The following GRK5 variants were observed in gnomAD, a reference collection of about 807,000 sequenced individuals.
GRK5 encodes G protein-coupled receptor kinase 5.
Under a neutral mutation model 78.4 loss-of-function variants are expected in GRK5, and 40 were observed. The observed-to-expected ratio is 0.51, with a 90% confidence interval of 0.40 to 0.66. The LOEUF is 0.66. GRK5 is among the 30% of genes least tolerant of loss of function. The probability of loss-of-function intolerance (pLI) is 0.00; values close to 1 mark genes in which losing one functional copy is unlikely to be tolerated. For missense variants in GRK5, 598 were observed against 759.9 expected (o/e 0.79, Z 2.50); for synonymous variants, 289 against 296.8 (o/e 0.97, Z 0.27).
At position 119,455,653 on chromosome 10, in the gene GRK5, C is replaced by T; in HGVS notation, c.*586C>T. 4 of 261,910 alleles carry T rather than the reference C, an allele frequency of 1.5e-5. No homozygotes were observed. The South Asian group carries it at 1.5e-4, about 10-fold the overall frequency. 16.2% of individuals were successfully genotyped at this position (261,910 alleles called of 1,614,324 possible). A position where few individuals can be genotyped will look rare whatever the true frequency, so the allele number is the denominator to read the frequency against. Reference sequence around the variant, plus strand: ...TTGAAGGATTGGTTGTATTTACCCACATCTATCTCTGGAGCCATTTCCTCA... The same window carrying T: ...TTGAAGGATTGGTTGTATTTACCCATATCTATCTCTGGAGCCATTTCCTCA... On this transcript the variant is annotated 3_prime_UTR_variant, in exon 16 of 16. Coordinates refer to ENST00000392870, the MANE Select transcript of GRK5 (RefSeq NM_005308.3).
chr10:119,386,518 G>C (rs1484095586), intron 3 of GRK5, among the ~76,000 whole-genome samples: 1 of 152,116 alleles, frequency 6.6e-6, no homozygotes, highest in Non-Finnish European at 1.5e-5. Flanking sequence ...CCTCTCTCTG[G>C]GCCTGTACCA....
At chr10:119,394,112 G>GTCTGCGTCTGTGT (rs1851936903) in intron 3 of GRK5, among the ~76,000 whole-genome samples, 1 of 23,298 alleles carries the variant, frequency 4.3e-5, no homozygotes, top group African/African-American at 1.8e-4. Context: ...CGTCTGTGTG[G>GTCTGCGTCTGTGT]GGGGTGTGTG....
intron 1 of GRK5, among the ~76,000 whole-genome samples, chr10:119,288,440 G>A (rs573732600): frequency 1.3e-5 from 2 of 152,312 alleles, no homozygotes; most frequent in South Asian, 2.1e-4. Context: ...AGTAGGTATC[G>A]ACTGGGTGGC....
At chr10:119,434,782 G>A (rs377583938) in intron 8 of GRK5, among the ~76,000 whole-genome samples, 3 of 152,322 alleles carry the variant, frequency 2.0e-5, no homozygotes, top group African/African-American at 7.2e-5. Context: ...GCTCCAATAG[G>A]CAATGCCCCA....
At chr10:119,358,405 G>A (rs944454905) in intron 2 of GRK5, among the ~76,000 whole-genome samples, 3 of 152,160 alleles carry the variant, frequency 2.0e-5, no homozygotes, top group Non-Finnish European at 4.4e-5. Flanking sequence ...GCTGAGTGGT[G>A]GTGCCAGGAT....
At chr10:119,260,409 G>GT (rs1849362366) in intron 1 of GRK5, among the ~76,000 whole-genome samples, 2 of 141,028 alleles carry the variant, frequency 1.4e-5, no homozygotes, top group East Asian at 2.0e-4. Flanking sequence ...AGATGACATG[G>GT]TCTTTTTTTT....
chr10:119,398,886 C>T (rs893118898), intron 4 of GRK5, among the ~76,000 whole-genome samples: 3 of 152,222 alleles, frequency 2.0e-5, no homozygotes, highest in Non-Finnish European at 4.4e-5. Flanking sequence ...GCAGTGAGGG[C>T]GGAGTGCTCC....
chr10:119,244,297 C>A (rs1479036654), intron 1 of GRK5, among the ~76,000 whole-genome samples: 2 of 152,204 alleles, frequency 1.3e-5, no homozygotes, highest in African/African-American at 4.8e-5. Flanking sequence ...AGACACTGCT[C>A]TAAAGTAAAT....
chr10:119,298,167 A>G (rs1019243681), intron 1 of GRK5, among the ~76,000 whole-genome samples: 2 of 152,190 alleles, frequency 1.3e-5, no homozygotes, highest in African/African-American at 2.4e-5. Context: ...TTTAATCCTC[A>G]TGATGCAGCT....
In GRK5 at chr10:119,413,570, C is replaced by T. The variant is rs905166575; in HGVS notation, c.340-9596C>T. ...CAGGTCTGCTACTTGCTAAGCGTTC[C>T]GTCTGCGGGCATTTGCGGAACCCTC... is the stretch of plus-strand genomic sequence containing the variant. On this transcript the variant is annotated intron_variant, in intron 4 of 15. Transcript: ENST00000392870. Among the ~76,000 whole-genome samples the T allele has an allele frequency of 2.6e-5, 4 of 151,998 alleles. No individual in the cohort carries two copies. The East Asian group carries it at 5.8e-4, about 22-fold the overall frequency.
chr10:119,234,354 G>A (rs1848883032), intron 1 of GRK5, among the ~76,000 whole-genome samples: 2 of 152,270 alleles, frequency 1.3e-5, no homozygotes, highest in South Asian at 4.1e-4. Context: ...ATTACTAAAA[G>A]TAGTTCATTC....
At chr10:119,346,415 C>T (rs1440930932) in intron 2 of GRK5, among the ~76,000 whole-genome samples, 1 of 152,228 alleles carries the variant, frequency 6.6e-6, no homozygotes, top group Admixed American at 6.5e-5. Flanking sequence ...TGACCATGAT[C>T]TCCTAGGTCA....
chr10:119,261,703 C>T (rs917865873), intron 1 of GRK5, among the ~76,000 whole-genome samples: 1 of 152,252 alleles, frequency 6.6e-6, no homozygotes, highest in Non-Finnish European at 1.5e-5. Flanking sequence ...TGGAGACCAG[C>T]CCGGCCAACA....
At chr10:119,377,751 A>G (rs1051545694) in intron 2 of GRK5, among the ~76,000 whole-genome samples, 2 of 152,218 alleles carry the variant, frequency 1.3e-5, no homozygotes, top group African/African-American at 2.4e-5. Flanking sequence ...GGATCACAAT[A>G]TGGCACATGA....
At chr10:119,361,561 G>A (rs961073403) in intron 2 of GRK5, among the ~76,000 whole-genome samples, 6 of 152,184 alleles carry the variant, frequency 3.9e-5, no homozygotes, top group African/African-American at 1.4e-4. Context: ...TCAGCCAAGC[G>A]GATTTCAAAG....
chr10:119,253,809 G>A lies in GRK5; in HGVS notation c.52+45840G>A, dbSNP rs1849238871. Among the ~76,000 whole-genome samples the A allele has an allele frequency of 6.6e-6, 1 of 152,022 alleles. No individual in the cohort carries two copies. The highest frequency in any genetic ancestry group is 2.1e-4 in the South Asian group (1 of 4,806). Reference sequence around the variant, plus strand: ...TGCCTGGGGTGGGGGGCTGGAGGTTGTTTAGTGTTTGGGTTCCTGGTGGTT... The same window carrying A: ...TGCCTGGGGTGGGGGGCTGGAGGTTATTTAGTGTTTGGGTTCCTGGTGGTT... On this transcript the variant is annotated intron_variant, in intron 1 of 15. Coordinates refer to ENST00000392870, the MANE Select transcript of GRK5 (RefSeq NM_005308.3). This position sits in a 1 kb window ranked among gnomAD's most constrained non-coding sequence, Gnocchi z 5.7.
chr10:119,336,749 C>T lies in GRK5; in HGVS notation c.148+10138C>T, dbSNP rs1034233739. On this transcript the variant is annotated intron_variant, in intron 2 of 15. Transcript: ENST00000392870. The surrounding 1 kb of genome is among the most constrained non-coding windows in gnomAD (Gnocchi z 4.5). ...ATTGCTGTCCTTGGGGTGATAAGGG[C>T]GCGTCATGTCTGTCGTTCTGCCACC... is the stretch of plus-strand genomic sequence containing the variant. Among the ~76,000 whole-genome samples, 7 of 152,288 alleles carry T rather than the reference C, an allele frequency of 4.6e-5. No homozygotes were observed. The highest frequency in any genetic ancestry group is 2.1e-4 in the South Asian group (1 of 4,822).
chr10:119,406,504 G>T lies in GRK5; in HGVS notation c.339+9732G>T, dbSNP rs969683759. 5 of 983,988 alleles carry T rather than the reference G, an allele frequency of 5.1e-6. No individual in the cohort carries two copies. In the Admixed American group the frequency reaches 3.1e-4, roughly 61 times the overall value. The allele number at this position is 983,988 out of a possible 1,614,324, so 61.0% of individuals were successfully genotyped here. ...AAGTACCTGTCCCATTCTCCCTGGGGCTTGGGGTCCCAGACACTGGCCCTG... is the reference window on the plus strand; with the variant it reads ...AAGTACCTGTCCCATTCTCCCTGGGTCTTGGGGTCCCAGACACTGGCCCTG... On this transcript the variant is annotated intron_variant, in intron 4 of 15. Coordinates refer to ENST00000392870, the MANE Select transcript of GRK5 (RefSeq NM_005308.3).
At chr10:119,444,391 A>T (rs1853102316) in intron 12 of GRK5, among the ~76,000 whole-genome samples, 1 of 151,898 alleles carries the variant, frequency 6.6e-6, no homozygotes, top group African/African-American at 2.4e-5. Context: ...GAAGTGGGGG[A>T]TATGGGAGTG....
Sources: allele counts gnomAD v4.1 joint callset (sites outside exome capture counted in the v4.1 genomes callset), GRCh38; gene constraint gnomAD v4.1.1; non-coding constraint Gnocchi (gnomAD v3.1); transcripts MANE v1.5; gene names NCBI Gene and HGNC (gene_info 2026-07-23, HGNC 2026-07-21).